The following CNTNAP2 variants were observed in gnomAD, a reference collection of about 807,000 sequenced individuals.
CNTNAP2 encodes the protein contactin associated protein 2.
A neutral mutation model predicts 155.2 loss-of-function variants in CNTNAP2; 98 were observed. The observed-to-expected ratio is 0.63, with a 90% confidence interval of 0.54 to 0.75. The LOEUF is 0.75. Ranked by LOEUF, CNTNAP2 falls within the 30% of genes least tolerant of loss-of-function variation. The pLI is 0.00. For missense variants in CNTNAP2, 1,727 were observed against 1,688.1 expected (o/e 1.02, Z -0.40); for synonymous variants, 651 against 631.2 (o/e 1.03, Z -0.47).
At chr7:148,315,305 G>C (rs1185008445) in intron 21 of CNTNAP2, among the ~76,000 whole-genome samples, 1 of 152,160 alleles carries the variant, frequency 6.6e-6, no homozygotes, top group Non-Finnish European at 1.5e-5. Context: ...CAAAAAGAGA[G>C]TCAGCAAAGG....
At chr7:147,925,156 AAGGAAGGAAG>A (rs1212598618) in intron 14 of CNTNAP2, among the ~76,000 whole-genome samples, 152 of 61,250 alleles carry the variant, frequency 2.5e-3, no homozygotes, top group Middle Eastern at 0.01. Flanking sequence ...AGAGAGAGAG[AAGGAAGGAAG>A]GAAGGAAGGA....
rs189675732 is a variant in CNTNAP2 at position 148,258,441 on chromosome 7, C to T, written c.3382-8592C>T. 4.3e-4 allele frequency among the ~76,000 whole-genome samples: 66 copies of T among 152,288 alleles called. 2 individuals are homozygous for T. In the South Asian group the frequency reaches 0.012, roughly 28 times the overall value. ...AAGGGGCAGAAAACATTTAGATGAA[C>T]GTATCCTTGATACTGGGGTCAAGGC... On this transcript the variant is annotated intron_variant, in intron 20 of 23. Transcript: ENST00000361727.
intron 18 of CNTNAP2, among the ~76,000 whole-genome samples, chr7:148,202,278 C>G (rs987213012): frequency 1.3e-5 from 2 of 152,148 alleles, no homozygotes; most frequent in Non-Finnish European, 2.9e-5. Context: ...CAGATGCTTT[C>G]TGGAAAACCA....
chr7:147,373,952 T>G (rs73473193), intron 9 of CNTNAP2, among the ~76,000 whole-genome samples: 11,575 of 151,988 alleles, frequency 0.076, 727 homozygotes, highest in African/African-American at 0.17. Context: ...ACAGATAAAT[T>G]TATCAGGAAA....
intron 20 of CNTNAP2, among the ~76,000 whole-genome samples, chr7:148,265,601 T>C (rs939884098): frequency 2.6e-5 from 4 of 152,190 alleles, no homozygotes; most frequent in African/African-American, 9.6e-5. Context: ...CATTTGACGT[T>C]ATAGAAAACT....
At chr7:146,767,180 A>T (rs1585080670) in intron 1 of CNTNAP2, among the ~76,000 whole-genome samples, 1 of 152,176 alleles carries the variant, frequency 6.6e-6, no homozygotes, top group African/African-American at 2.4e-5. Flanking sequence ...ATTAATTCTC[A>T]ATGCAATTTT....
intron 9 of CNTNAP2, among the ~76,000 whole-genome samples, chr7:147,390,332 G>T (rs1038049140): frequency 6.6e-6 from 1 of 152,158 alleles, no homozygotes; most frequent in African/African-American, 2.4e-5. Context: ...ATATATTGCT[G>T]CATAGTGCAT....
At chr7:147,565,960 G>T (rs1423753538) in intron 12 of CNTNAP2, among the ~76,000 whole-genome samples, 1 of 151,710 alleles carries the variant, frequency 6.6e-6, no homozygotes, top group East Asian at 2.0e-4. Context: ...ATGTAACAGA[G>T]AAACAGCATC....
At chr7:146,308,107 C>G (rs947263475) in intron 1 of CNTNAP2, among the ~76,000 whole-genome samples, 1 of 152,072 alleles carries the variant, frequency 6.6e-6, no homozygotes, top group African/African-American at 2.4e-5. Flanking sequence ...CCAGAATCTA[C>G]AAAGAACTTA....
intron 1 of CNTNAP2, among the ~76,000 whole-genome samples, chr7:146,695,535 C>T (rs1262682997): frequency 2.6e-5 from 4 of 152,084 alleles, no homozygotes; most frequent in Non-Finnish European, 5.9e-5. Flanking sequence ...CCACCTCAGC[C>T]TCCCATGCAG....
At chr7:147,517,393 A>G (rs1799146877) in intron 11 of CNTNAP2, among the ~76,000 whole-genome samples, 1 of 152,186 alleles carries the variant, frequency 6.6e-6, no homozygotes, top group Non-Finnish European at 1.5e-5. Context: ...ATTTTTCACC[A>G]TGTGCTAAAA....
intron 21 of CNTNAP2, among the ~76,000 whole-genome samples, chr7:148,297,828 G>C (rs760122413): frequency 2.6e-5 from 4 of 151,996 alleles, no homozygotes; most frequent in Non-Finnish European, 4.4e-5. Context: ...CCTCTTCTTT[G>C]CCTTTCCCCA....
chr7:146,179,826 C>G (rs916064763), intron 1 of CNTNAP2, among the ~76,000 whole-genome samples: 1 of 152,058 alleles, frequency 6.6e-6, no homozygotes, highest in African/African-American at 2.4e-5. Flanking sequence ...GGAAGATAAT[C>G]TCTATTATTT....
intron 13 of CNTNAP2, among the ~76,000 whole-genome samples, chr7:147,756,234 C>A (rs1797212239): frequency 6.6e-6 from 1 of 152,154 alleles, no homozygotes; most frequent in South Asian, 2.1e-4. Flanking sequence ...GCAAACCTGT[C>A]TAAACATATG....
At chr7:146,535,310 T>C (rs1247242132) in intron 1 of CNTNAP2, among the ~76,000 whole-genome samples, 2 of 62,576 alleles carry the variant, frequency 3.2e-5, no homozygotes, top group Non-Finnish European at 4.8e-5. Flanking sequence ...TATATGATAT[T>C]ATATCATATA....
Position 146,280,799 on chromosome 7 carries a change from T to C in CNTNAP2, c.97+163826T>C, listed in dbSNP as rs186563086. Among the ~76,000 whole-genome samples the C allele has an allele frequency of 1.2e-4, 19 of 152,258 alleles. No individual in the cohort carries two copies. The East Asian group carries it at 3.5e-3, about 28-fold the overall frequency. On this transcript the variant is annotated intron_variant, in intron 1 of 23. Transcript: ENST00000361727. ...CTAACTCCTGGCCTAATCCTACCAA[T>C]AGAATCTCATTCTCTTTGCTACAGT...
intron 3 of CNTNAP2, among the ~76,000 whole-genome samples, chr7:146,930,059 C>A (rs531394535): frequency 2.0e-5 from 3 of 152,024 alleles, no homozygotes; most frequent in Non-Finnish European, 2.9e-5. Context: ...GCAAGGCAGG[C>A]CAACATTCAG....
At chr7:146,781,595 C>T (rs1278487886) in intron 2 of CNTNAP2, among the ~76,000 whole-genome samples, 3 of 152,120 alleles carry the variant, frequency 2.0e-5, no homozygotes, top group Non-Finnish European at 2.9e-5. Flanking sequence ...CCTCCGGAAA[C>T]GCGCTGGGCT....
intron 1 of CNTNAP2, among the ~76,000 whole-genome samples, chr7:146,626,638 TA>T (rs1799424194): frequency 6.6e-6 from 1 of 152,162 alleles, no homozygotes; most frequent in Non-Finnish European, 1.5e-5. Context: ...CTTAGTTATT[TA>T]CACAAAATAC....
Sources: gnomAD v4.1 joint callset for allele counts (sites outside exome capture counted in the v4.1 genomes callset) on GRCh38, gnomAD v4.1.1 for gene constraint, MANE v1.5 for transcripts, NCBI Gene and HGNC (gene_info 2026-07-23, HGNC 2026-07-21) for gene names.